DNAH2: variants seen among roughly 807,000 people sequenced by gnomAD.
DNAH2 encodes the protein axonemal beta dynein heavy chain 2.
DNAH2 carries 323 observed loss-of-function variants against 523.5 expected under a neutral mutation model. The ratio of observed to expected loss-of-function variants is 0.62; its 90% confidence interval spans 0.56 to 0.68. The LOEUF (loss-of-function observed/expected upper bound fraction) is 0.68. Among genes scored for constraint, DNAH2 ranks in the 30% least tolerant of loss-of-function variants. The pLI, the probability that DNAH2 is intolerant of heterozygous loss-of-function variation, is 0.00. For missense variants in DNAH2, 4,907 were observed against 5,701.5 expected (o/e 0.86, Z 4.49); for synonymous variants, 2,093 against 2,177.4 (o/e 0.96, Z 1.08).
intron 33 of DNAH2, 143 bp downstream of exon 33, chr17:7,777,777 C>G (rs1172064129): frequency 9.4e-7 from 1 of 1,064,658 alleles, no homozygotes; most frequent in Admixed American, 2.4e-5. Context: ...TTCCTTCCAT[C>G]TCCTCCCCAC....
chr17:7,798,976 G>C lies in DNAH2; in HGVS notation c.8560-127G>C. ...GGGGGTGGGGGGTGCTGAAGTGGGA[G>C]GATGGTTTGAGGCCAGGAGTTCAAG... On this transcript the variant is annotated intron_variant, in intron 55 of 85. Coordinates refer to ENST00000572933, the MANE Select transcript of DNAH2 (RefSeq NM_020877.5). The surrounding 1 kb of genome is among the most constrained non-coding windows in gnomAD (Gnocchi z 5.5). The C allele has an allele frequency of 7.4e-7, 1 of 1,348,084 alleles. No homozygotes were observed. Among genetic ancestry groups the C allele is most frequent in the Non-Finnish European group, 1.0e-6 (1 of 992,938 alleles). The allele number at this position is 1,348,084 out of a possible 1,614,324, so 83.5% of individuals were successfully genotyped here. A position where few individuals can be genotyped will look rare whatever the true frequency, so the allele number is the denominator to read the frequency against.
At position 7,816,661 on chromosome 17, in the gene DNAH2, C is replaced by A; in HGVS notation, c.9820C>A (p.Leu3274Met). ...ELRKKSEEME[L>M]KLERAGMLVS... ...TCGCAAGAAGTCTGAAGAGATGGAGCTGAAGCTGGAGCGAGCTGGGATGCT... is the reference window on the plus strand; with the variant it reads ...TCGCAAGAAGTCTGAAGAGATGGAGATGAAGCTGGAGCGAGCTGGGATGCT... The change falls in exon 64 of 86, where the codon CTG (leucine) becomes ATG (methionine). Residue 3274 changes from leucine (L) to methionine (M), a missense_variant. Coordinates refer to ENST00000572933, the MANE Select transcript of DNAH2 (RefSeq NM_020877.5). The A allele has an allele frequency of 6.2e-7, 1 of 1,614,208 alleles. No individual in the cohort carries two copies. Among genetic ancestry groups the A allele is most frequent in the South Asian group, 1.1e-5 (1 of 91,086 alleles).
chr17:7,804,106 T>C (rs2077297015), intron 58 of DNAH2, 150 bp from the exon 59 acceptor site: 1 of 733,794 alleles, frequency 1.4e-6, no homozygotes, highest in East Asian at 2.7e-5. Flanking sequence ...AGGCAGGAAG[T>C]GATAGAATCC....
intron 20 of DNAH2, among the ~76,000 whole-genome samples, chr17:7,764,622 T>C (rs188539277): frequency 2.3e-4 from 35 of 151,296 alleles, no homozygotes; most frequent in African/African-American, 8.2e-4. Context: ...CACCACGCCT[T>C]GCTGATTTTT....
chr17:7,776,349 C>T (rs1268594174), intron 31 of DNAH2, among the ~76,000 whole-genome samples, 200 bp downstream of exon 31: 1 of 152,042 alleles, frequency 6.6e-6, no homozygotes, highest in African/African-American at 2.4e-5. Context: ...TCCTGTAGTC[C>T]CAGTTTCTCA....
At position 7,775,017 on chromosome 17, in the gene DNAH2, G is replaced by A. The variant is rs2076410416; in HGVS notation, c.4719+41G>A. 3 of 1,597,860 alleles carry A rather than the reference G, an allele frequency of 1.9e-6. No homozygotes were observed. In the Admixed American group the frequency reaches 5.0e-5, roughly 27 times the overall value. On this transcript the variant is annotated intron_variant, in intron 29 of 85. Transcript: ENST00000572933. ...CACAGTGAGATGCTGGGTGGCGAAGGGAGGGTGTTGGGGTATGAAAAGCTT... is the reference window on the plus strand; with the variant it reads ...CACAGTGAGATGCTGGGTGGCGAAGAGAGGGTGTTGGGGTATGAAAAGCTT...
intron 4 of DNAH2, among the ~76,000 whole-genome samples, chr17:7,730,872 T>G (rs1190700797): frequency 6.6e-6 from 1 of 152,034 alleles, no homozygotes; most frequent in African/African-American, 2.4e-5. Context: ...CCTAGCACTT[T>G]GGGAGGCCAA....
Position 7,759,890 on chromosome 17 carries a change from A to T in DNAH2, c.2737A>T (p.Ile913Phe), listed in dbSNP as rs2151196628. The change falls in exon 17 of 86, where the codon ATT becomes TTT. Residue 913 changes from isoleucine (I) to phenylalanine (F), a missense_variant. This residue lies in a region of DNAH2 where 2,806 missense variants were observed against 3,190.8 expected (regional missense o/e 0.88). Transcript: ENST00000572933. ...TISVFCHLPD[I>F]LTKRKLHREP... ...CTCTGTCTTCTGCCACCTCCCTGAC[A>T]TTCTCACCAAGCGCAAGTTACATCG... 1 of 1,614,156 alleles carries T rather than the reference A, an allele frequency of 6.2e-7. No homozygotes were observed. Among genetic ancestry groups the T allele is most frequent in the Non-Finnish European group, 8.5e-7 (1 of 1,180,024 alleles).
intron 7 of DNAH2, among the ~76,000 whole-genome samples, chr17:7,736,416 G>T (rs1038077376): frequency 1.3e-5 from 2 of 152,220 alleles, no homozygotes; most frequent in African/African-American, 4.8e-5. Flanking sequence ...AGAGTGATAT[G>T]CGGCCAGTTG....
chr17:7,780,230 C>T lies in DNAH2; in HGVS notation c.5796C>T (p.Asp1932=), dbSNP rs376787705. Residue 1932 remains aspartate, a synonymous_variant, in exon 37 of 86, where the codon GAC becomes GAT. Coordinates refer to ENST00000572933, the MANE Select transcript of DNAH2 (RefSeq NM_020877.5). The surrounding 1 kb of genome is among the most constrained non-coding windows in gnomAD (Gnocchi z 4.4). The part of the protein sequence containing the change: ...MFRPIAMVVP[D]STLIAEIILF... Reference sequence around the variant, plus strand: ...GCCCAATTGCCATGGTGGTGCCTGACTCCACCCTCATTGCAGAAATCATTC... The same window carrying T: ...GCCCAATTGCCATGGTGGTGCCTGATTCCACCCTCATTGCAGAAATCATTC... 105 of 1,614,088 alleles carry T rather than the reference C, an allele frequency of 6.5e-5. No homozygotes were observed. Among genetic ancestry groups the T allele is most frequent in the Non-Finnish European group, 8.1e-5 (96 of 1,180,046 alleles).
rs146302909 is a variant in DNAH2 at position 7,733,092 on chromosome 17, G to C, written c.405G>C (p.Gln135His). The C allele has an allele frequency of 6.2e-7, 1 of 1,614,000 alleles. No individual in the cohort carries two copies. Among genetic ancestry groups the C allele is most frequent in the African/African-American group, 1.3e-5 (1 of 74,936 alleles). ...KLELGMPVQTQNQLVYFIRQA... is the reference protein window; with the variant it reads ...KLELGMPVQTHNQLVYFIRQA... Reference sequence around the variant, plus strand: ...ATCTGCTGTCTTCCATGCAGACCCAGAACCAGCTTGTCTACTTCATTCGCC... The same window carrying C: ...ATCTGCTGTCTTCCATGCAGACCCACAACCAGCTTGTCTACTTCATTCGCC... Residue 135 changes from glutamine (Q) to histidine (H), a missense_variant, in exon 5 of 86, where the codon CAG becomes CAC. Physicochemically the swap from Gln to His is conservative, Grantham distance 24 (BLOSUM62 0). Transcript: ENST00000572933.
intron 27 of DNAH2, 94 bp downstream of exon 27, chr17:7,771,027 C>T: frequency 7.2e-7 from 1 of 1,388,160 alleles, no homozygotes; most frequent in East Asian, 2.3e-5. Context: ...GCCTCATTCT[C>T]CTACCTTTAA....
At chr17:7,771,052 T>A in intron 27 of DNAH2, 119 bp downstream of exon 27, 1 of 1,156,968 alleles carries the variant, frequency 8.6e-7, no homozygotes, top group Non-Finnish European at 1.2e-6. Context: ...ACTCTTCATC[T>A]AGGACCCAGC....
chr17:7,806,100 C>T (rs11871769), intron 61 of DNAH2, among the ~76,000 whole-genome samples: 2,792 of 152,268 alleles, frequency 0.018, 90 homozygotes, highest in African/African-American at 0.061. Flanking sequence ...GGTACCCATA[C>T]AATCATTCTG....
intron 58 of DNAH2, among the ~76,000 whole-genome samples, chr17:7,802,813 G>A (rs1018706852): frequency 2.0e-5 from 3 of 149,968 alleles, no homozygotes; most frequent in Non-Finnish European, 3.0e-5. Flanking sequence ...ACAGGCACGC[G>A]CCACCATGCC....
chr17:7,741,781 T>C (rs1704597062), intron 11 of DNAH2, among the ~76,000 whole-genome samples: 3 of 151,920 alleles, frequency 2.0e-5, no homozygotes, highest in African/African-American at 4.8e-5. Flanking sequence ...TCTCCTGCCT[T>C]AGCCTCTCAG....
intron 42 of DNAH2, 67 bp downstream of exon 42, chr17:7,787,100 G>A: frequency 6.3e-7 from 1 of 1,576,798 alleles, no homozygotes; most frequent in South Asian, 1.1e-5. Context: ...GCCGGGGCTG[G>A]GGAGGAGAGC....
rs764822450 is a variant in DNAH2, at chr17:7,805,053, C to T, written c.9279C>T (p.Pro3093=). The T allele has an allele frequency of 1.1e-4, 171 of 1,613,944 alleles. 2 individuals carry two copies. Among genetic ancestry groups the T allele is most frequent in the South Asian group, 4.2e-4 (38 of 91,068 alleles). ...NAQKDLEEAL[P]ALEEAMRALE... ...AGAAAGATCTAGAAGAGGCACTGCCCGCCCTGGAAGAGGCCATGCGGGTAC... is the reference window on the plus strand; with the variant it reads ...AGAAAGATCTAGAAGAGGCACTGCCTGCCCTGGAAGAGGCCATGCGGGTAC... The change falls in exon 60 of 86, where the codon CCC becomes CCT. Residue 3093 remains proline, a synonymous_variant. Transcript: ENST00000572933.
intron 73 of DNAH2, among the ~76,000 whole-genome samples, chr17:7,822,419 G>A (rs1049137405): frequency 2.0e-5 from 3 of 152,216 alleles, no homozygotes; most frequent in East Asian, 1.9e-4. Context: ...GGGCCTTTGC[G>A]TGGCCATGCC....
Sources: gnomAD v4.1 joint callset for allele counts (sites outside exome capture counted in the v4.1 genomes callset) on GRCh38, gnomAD v4.1.1 for gene constraint, gnomAD v4.1.1 regional missense constraint, Gnocchi (gnomAD v3.1) non-coding constraint, MANE v1.5 for transcripts, NCBI Gene and HGNC (gene_info 2026-07-23, HGNC 2026-07-21) for gene names.